The following LSM11 variants were observed in gnomAD, a reference collection of about 807,000 sequenced individuals.
LSM11 encodes the protein LSM11, U7 small nuclear RNA associated.
LSM11 carries 14 observed loss-of-function variants against 28.1 expected under a neutral mutation model. That is an observed-to-expected ratio of 0.50 (90% CI 0.33 to 0.78). LSM11 has a LOEUF of 0.78. Ranked by LOEUF, LSM11 falls within the 30% of genes least tolerant of loss-of-function variation. The pLI, the probability that LSM11 is intolerant of heterozygous loss-of-function variation, is 0.02. For synonymous variants in LSM11, 207 were observed against 214.2 expected (o/e 0.97, Z 0.30); for missense variants, 495 against 510.6 (o/e 0.97, Z 0.30).
At chr5:157,753,938 GA>G in intron 2 of LSM11, 65 bp from the exon 3 acceptor site, 1 of 1,102,162 alleles carries the variant, frequency 9.1e-7, no homozygotes. Context: ...TTTTTTCCCT[GA>G]AAAAGCTATA....
At position 157,749,586 on chromosome 5, in the gene LSM11, GCGCA is replaced by G. The variant is rs1393892318; in HGVS notation, c.449-1802_449-1799del. On this transcript the variant is annotated intron_variant, in intron 1 of 3. Coordinates refer to ENST00000286307, the MANE Select transcript of LSM11 (RefSeq NM_173491.4). ...AACACATATACACGCGCGCGCACGC[GCGCA>G]CACACACACACACACACCCACACAC... Among the ~76,000 whole-genome samples, 143 of 149,684 alleles carry G rather than the reference GCGCA, an allele frequency of 9.6e-4. 1 individual carries two copies. The highest frequency in any genetic ancestry group is 4.4e-3 in the East Asian group (22 of 4,966).
Position 157,743,965 on chromosome 5 carries a change from GCGGGCGCGGGCGGGCT to G in LSM11, c.220_235del (p.Arg74AlafsTer89). On this transcript the variant is annotated frameshift_variant, in exon 1 of 4. Coordinates refer to ENST00000286307, the MANE Select transcript of LSM11 (RefSeq NM_173491.4). LOFTEE classifies it high-confidence loss of function. ...AGGACCGGAGTCCGGGGCGGCGGGC[GCGGGCGCGGGCGGGCT>G]CGGGGCGCGGCCGCGGGCTCTGGGG... 7.8e-7 allele frequency: 1 copy of G among 1,289,494 alleles called. No homozygotes were observed. Among genetic ancestry groups the G allele is most frequent in the Non-Finnish European group, 9.8e-7 (1 of 1,017,682 alleles). 79.9% of individuals were successfully genotyped at this position (1,289,494 alleles called of 1,614,324 possible). A position where few individuals can be genotyped will look rare whatever the true frequency, so the allele number is the denominator to read the frequency against.
rs1761371236 is a variant in LSM11 at position 157,758,939 on chromosome 5, C to G, written c.*3675C>G. ...ACACAGAGGTGATTCATTTACTCTC[C>G]CATTAGTAGAACTTGCACTTTGGGC... On this transcript the variant is annotated 3_prime_UTR_variant, in exon 4 of 4. Transcript: ENST00000286307. 1 of 152,168 alleles carries G rather than the reference C, an allele frequency of 6.6e-6. No homozygotes were observed. The highest frequency in any genetic ancestry group is 6.5e-5 in the Admixed American group (1 of 15,276). The allele number at this position is 152,168 out of a possible 1,614,324, so 9.4% of individuals were successfully genotyped here.
chr5:157,747,642 CAAT>C (rs1408509359), intron 1 of LSM11: 3 of 184,042 alleles, frequency 1.6e-5, no homozygotes, highest in African/African-American at 7.1e-5. Context: ...TAATTTCCCA[CAAT>C]ATGGTGTCTT....
At chr5:157,749,113 G>GA in intron 1 of LSM11, among the ~76,000 whole-genome samples, 1 of 152,194 alleles carries the variant, frequency 6.6e-6, no homozygotes, top group Admixed American at 6.5e-5. Context: ...ATCTTTGGAA[G>GA]AAAAAAATTA....
At chr5:157,748,285 A>G (rs1349535602) in intron 1 of LSM11, among the ~76,000 whole-genome samples, 9 of 152,108 alleles carry the variant, frequency 5.9e-5, no homozygotes, top group Non-Finnish European at 1.5e-5. Flanking sequence ...ATGAGCTAAT[A>G]ACTTTGTATA....
chr5:157,756,060 G>C lies in LSM11; in HGVS notation c.*796G>C, dbSNP rs903937178. The C allele has an allele frequency of 2.5e-5, 5 of 197,938 alleles. No homozygotes were observed. The highest frequency in any genetic ancestry group is 4.1e-5 in the Non-Finnish European group (4 of 98,414). The allele number at this position is 197,938 out of a possible 1,614,324, so 12.3% of individuals were successfully genotyped here. ...ATGTACCCTGTGGTATTGCCCCTCT[G>C]TCCGTAGTGTGAACTGTCCTGTGAG... On this transcript the variant is annotated 3_prime_UTR_variant, in exon 4 of 4. Coordinates refer to ENST00000286307, the MANE Select transcript of LSM11 (RefSeq NM_173491.4).
rs1432522736 is a variant in LSM11 at position 157,755,817 on chromosome 5, T to C, written c.*553T>C. On this transcript the variant is annotated 3_prime_UTR_variant, in exon 4 of 4. Coordinates refer to ENST00000286307, the MANE Select transcript of LSM11 (RefSeq NM_173491.4). ...ATCTACAAGGAAAGTTACCAACTTA[T>C]GTAGGGGTGAAATTTGGATAGGCGG... The C allele has an allele frequency of 1.0e-5, 4 of 400,860 alleles. No homozygotes were observed. The highest frequency in any genetic ancestry group is 1.8e-5 in the Non-Finnish European group (4 of 227,718). The allele number at this position is 400,860 out of a possible 1,614,324, so 24.8% of individuals were successfully genotyped here.
chr5:157,744,721 C>T (rs1761120356), intron 1 of LSM11, among the ~76,000 whole-genome samples: 1 of 152,116 alleles, frequency 6.6e-6, no homozygotes, highest in African/African-American at 2.4e-5. Context: ...AGTATTTGGT[C>T]AGTGGGATTT....
intron 2 of LSM11, among the ~76,000 whole-genome samples, chr5:157,753,485 C>T (rs1261823509): frequency 6.6e-6 from 1 of 152,140 alleles, no homozygotes; most frequent in Non-Finnish European, 1.5e-5. Flanking sequence ...GATGAGAACT[C>T]ACCAGCAATT....
At chr5:157,745,548 A>C (rs913121393) in intron 1 of LSM11, among the ~76,000 whole-genome samples, 1 of 152,174 alleles carries the variant, frequency 6.6e-6, no homozygotes, top group African/African-American at 2.4e-5. Flanking sequence ...TCCAAGTCTC[A>C]TTGCAACATT....
intron 1 of LSM11, chr5:157,747,676 G>A (rs983833663): frequency 6.4e-6 from 1 of 156,562 alleles, no homozygotes; most frequent in African/African-American, 2.4e-5. Flanking sequence ...TTTTAATAAA[G>A]TGATATTCTT....
intron 3 of LSM11, 85 bp downstream of exon 3, chr5:157,754,172 T>A: frequency 1.1e-6 from 1 of 890,256 alleles, no homozygotes; most frequent in South Asian, 2.4e-5. Flanking sequence ...TGACTAGGAT[T>A]TCCTAGAGGG....
At position 157,743,991 on chromosome 5, in the gene LSM11, G is replaced by A; in HGVS notation, c.241G>A (p.Ala81Thr). 3.2e-6 allele frequency: 4 copies of A among 1,269,250 alleles called. No homozygotes were observed. The highest frequency in any genetic ancestry group is 3.0e-6 in the Non-Finnish European group (3 of 1,011,142). The allele number at this position is 1,269,250 out of a possible 1,614,324, so 78.6% of individuals were successfully genotyped here. The change falls in exon 1 of 4, where the codon GCC (alanine) becomes ACC (threonine). Residue 81 changes from alanine (A) to threonine (T), a missense_variant. Ala to Thr is a moderately conservative substitution (Grantham distance 58). Coordinates refer to ENST00000286307, the MANE Select transcript of LSM11 (RefSeq NM_173491.4). The part of the protein sequence containing the change: ...GRGRGRARGA[A>T]AGSGVPAAPG... ...CGGGCGCGGGCGGGCTCGGGGCGCG[G>A]CCGCGGGCTCTGGGGTTCCCGCCGC...
intron 2 of LSM11, among the ~76,000 whole-genome samples, chr5:157,752,179 G>C (rs77885376): frequency 2.5e-5 from 2 of 79,308 alleles, no homozygotes; most frequent in African/African-American, 5.1e-5. Context: ...TTTTTTTTTT[G>C]AGACAGTGTT....
chr5:157,747,547 A>G (rs1395541174), intron 1 of LSM11: 2 of 228,754 alleles, frequency 8.7e-6, no homozygotes, highest in Admixed American at 4.1e-5. Context: ...TTCAAAACAA[A>G]CCTGATTTAT....
In LSM11 at chr5:157,758,111, C is replaced by G. The variant is rs769072589; in HGVS notation, c.*2847C>G. On this transcript the variant is annotated 3_prime_UTR_variant, in exon 4 of 4. Transcript: ENST00000286307. ...AACAGAAGTTCATTTTTAAAGATTA[C>G]TCCCTTTTCTTTCTCTCTTTTTTTT... 6.6e-6 allele frequency: 1 copy of G among 152,152 alleles called. No homozygotes were observed. Among genetic ancestry groups the G allele is most frequent in the African/African-American group, 2.4e-5 (1 of 41,430 alleles). 9.4% of individuals were successfully genotyped at this position (152,152 alleles called of 1,614,324 possible).
At chr5:157,754,712 A>T (rs1327124895) in intron 3 of LSM11, 142 bp from the exon 4 acceptor site, 8 of 631,600 alleles carry the variant, frequency 1.3e-5, no homozygotes, top group Non-Finnish European at 2.0e-5. Context: ...AAAAAAAAAA[A>T]AGATTTATTA....
chr5:157,749,958 A>G lies in LSM11; in HGVS notation c.449-1432A>G, dbSNP rs182180340. Among the ~76,000 whole-genome samples, 5 of 152,356 alleles carry G rather than the reference A, an allele frequency of 3.3e-5. No individual in the cohort carries two copies. In the East Asian group the frequency reaches 9.6e-4, roughly 29 times the overall value. On this transcript the variant is annotated intron_variant, in intron 1 of 3. Transcript: ENST00000286307. ...TTTATGTCACTAGAAACAAAGCAGG[A>G]GAGATTTTTCATTTGTCTACTGTCA...
Sources: allele counts gnomAD v4.1 joint callset (sites outside exome capture counted in the v4.1 genomes callset), GRCh38; gene constraint gnomAD v4.1.1; transcripts MANE v1.5; gene names NCBI Gene and HGNC (gene_info 2026-07-23, HGNC 2026-07-21).